PKN3: variants seen among roughly 807,000 people sequenced by gnomAD.
The protein encoded by PKN3 is serine/threonine-protein kinase N3.
A neutral mutation model predicts 113.1 loss-of-function variants in PKN3; 91 were observed. The observed-to-expected ratio is 0.80, with a 90% CI of 0.68 to 0.96. PKN3 has a LOEUF of 0.96. Among genes scored for constraint, PKN3 ranks in the 40% least tolerant of loss-of-function variants. The probability of loss-of-function intolerance (pLI) is 0.00; values close to 1 mark genes in which losing one functional copy is unlikely to be tolerated. For missense variants in PKN3, 1,052 were observed against 1,202.2 expected (o/e 0.88, Z 1.85); for synonymous variants, 467 against 499.0 (o/e 0.94, Z 0.85).
At chr9:128,704,495 G>A (rs1861950004) in intron 1 of PKN3, among the ~76,000 whole-genome samples, 1 of 152,198 alleles carries the variant, frequency 6.6e-6, no homozygotes, top group African/African-American at 2.4e-5. Flanking sequence ...GGTCCCAGAT[G>A]TAGAGAGAGC....
chr9:128,714,511 C>A, intron 11 of PKN3, 51 bp from the exon 12 acceptor site: 1 of 973,874 alleles, frequency 1.0e-6, no homozygotes, highest in South Asian at 1.3e-5. Context: ...TCCATCCTGC[C>A]AGCTCTTGCG....
chr9:128,707,927 C>A (rs912767013), intron 6 of PKN3, among the ~76,000 whole-genome samples: 1 of 151,034 alleles, frequency 6.6e-6, no homozygotes. Flanking sequence ...CAAAAATTAG[C>A]CGGGCGTGGT....
rs762279700 is a variant in PKN3, at chr9:128,719,772, C to T, written c.2212C>T (p.Arg738Trp). 2.7e-5 allele frequency: 43 copies of T among 1,587,062 alleles called. No individual in the cohort carries two copies. Among genetic ancestry groups the T allele is most frequent in the Admixed American group, 6.8e-5 (4 of 58,648 alleles). ...PEVLTQEAYT[R>W]AVDWWGLGVL... is the part of the protein sequence containing the mutation. ...GGTGCTGACCCAGGAGGCATACACA[C>T]GGGCTGTGGACTGGTGGGGGCTGGG... is the stretch of plus-strand genomic sequence containing the variant. The change falls in exon 19 of 22, where the codon CGG (arginine) becomes TGG (tryptophan). Residue 738 changes from arginine (R) to tryptophan (W), a missense_variant. This residue lies in a region of PKN3 where 333 missense variants were observed against 442.8 expected (regional missense o/e 0.75). Coordinates refer to ENST00000291906, the MANE Select transcript of PKN3 (RefSeq NM_013355.5).
In PKN3 at chr9:128,719,677, G is replaced by A. The variant is rs762270291; in HGVS notation, c.2126-9G>A. ...CCAAGCAGCTATTGGTGTGCCTGTTGGTTTGCAGGGATCGGCTTCGGGGAC... is the reference window on the plus strand; with the variant it reads ...CCAAGCAGCTATTGGTGTGCCTGTTAGTTTGCAGGGATCGGCTTCGGGGAC... On this transcript the variant is annotated splice_polypyrimidine_tract_variant and intron_variant, in intron 18 of 21. Coordinates refer to ENST00000291906, the MANE Select transcript of PKN3 (RefSeq NM_013355.5). 1.3e-6 allele frequency: 2 copies of A among 1,539,592 alleles called. No homozygotes were observed. The highest frequency in any genetic ancestry group is 4.1e-5 in the Admixed American group (2 of 49,378).
intron 6 of PKN3, among the ~76,000 whole-genome samples, chr9:128,712,046 A>G (rs1469463237): frequency 6.6e-6 from 1 of 152,038 alleles, no homozygotes; most frequent in Non-Finnish European, 1.5e-5. Context: ...AGTAGCTGGG[A>G]TTACAGGTGC....
In PKN3 at chr9:128,717,031, A is replaced by C. The variant is rs145813466; in HGVS notation, c.1985+108A>C. 1,198 of 789,342 alleles carry C rather than the reference A, an allele frequency of 1.5e-3. 5 individuals carry two copies. Among genetic ancestry groups the C allele is most frequent in the African/African-American group, 0.01 (583 of 56,850 alleles). The allele number at this position is 789,342 out of a possible 1,614,324, so 48.9% of individuals were successfully genotyped here. A position where few individuals can be genotyped will look rare whatever the true frequency, so the allele number is the denominator to read the frequency against. On this transcript the variant is annotated intron_variant, in intron 16 of 21. Transcript: ENST00000291906. Reference sequence around the variant, plus strand: ...AAGTGCCCAACAGCAGGGGAGCAGGAGTCAGAGGCCTTGGTTTACATCCTG... The same window carrying C: ...AAGTGCCCAACAGCAGGGGAGCAGGCGTCAGAGGCCTTGGTTTACATCCTG...
In PKN3 at chr9:128,705,321, C is replaced by A. The variant is rs771840775; in HGVS notation, c.43C>A (p.Pro15Thr). 3.8e-6 allele frequency: 6 copies of A among 1,558,884 alleles called. No individual in the cohort carries two copies. The Admixed American group carries it at 5.9e-5, about 15-fold the overall frequency. Residue 15 changes from proline to threonine, a missense_variant, in exon 2 of 22, where the codon CCC becomes ACC. Pro to Thr is a conservative substitution (Grantham distance 38). Around this residue, in one of 2 missense-constraint regions of PKN3, gnomAD observed 719 missense variants for 759.4 expected, o/e 0.95. Transcript: ENST00000291906. ...APRQPGPSQWPPEDEKEVIRR... is the reference protein window; with the variant it reads ...APRQPGPSQWTPEDEKEVIRR... ...TCTGCAGCCTGGGCCGAGCCAGTGGCCCCCAGAGGATGAGAAGGAGGTGAT... is the reference window on the plus strand; with the variant it reads ...TCTGCAGCCTGGGCCGAGCCAGTGGACCCCAGAGGATGAGAAGGAGGTGAT...
chr9:128,718,488 C>T (rs1453211898), intron 17 of PKN3, 61 bp from the exon 18 acceptor site: 14 of 1,593,764 alleles, frequency 8.8e-6, no homozygotes, highest in African/African-American at 2.7e-5. Flanking sequence ...CTCCAGGGGC[C>T]GTTACTGTTC....
intron 16 of PKN3, among the ~76,000 whole-genome samples, chr9:128,717,271 G>A (rs558032443): frequency 6.9e-4 from 104 of 150,538 alleles, no homozygotes; most frequent in Middle Eastern, 6.8e-3. Context: ...TGGGATTACA[G>A]GCATGCACCA....
At chr9:128,719,651 A>G in intron 18 of PKN3, 35 bp from the exon 19 acceptor site, 1 of 1,523,562 alleles carries the variant, frequency 6.6e-7, no homozygotes, top group South Asian at 1.3e-5. Context: ...AATAGGCCAC[A>G]CCAAGCAGCT....
At position 128,720,095 on chromosome 9, in the gene PKN3, C is replaced by A; in HGVS notation, c.2376+78C>A. 3.9e-6 allele frequency: 6 copies of A among 1,529,500 alleles called. No homozygotes were observed. Among genetic ancestry groups the A allele is most frequent in the Middle Eastern group, 1.7e-4 (1 of 5,908 alleles). 94.7% of individuals were successfully genotyped at this position (1,529,500 alleles called of 1,614,324 possible). ...GCCCTCTGCCGTGGGACAGCAGACC[C>A]CCTGCCACCCATCCTTAGAGCGCTC... On this transcript the variant is annotated intron_variant, in intron 20 of 21. Coordinates refer to ENST00000291906, the MANE Select transcript of PKN3 (RefSeq NM_013355.5). This position sits in a 1 kb window ranked among gnomAD's most constrained non-coding sequence, Gnocchi z 5.5.
chr9:128,705,765 A>G lies in PKN3; in HGVS notation c.297A>G (p.Ala99=), dbSNP rs547057953. Residue 99 remains alanine, a synonymous_variant, in exon 3 of 22, where the codon GCA becomes GCG. Transcript: ENST00000291906. ...EPVASGPRPW[A]EQLRARHLEA... ...TGGCCTCAGGACCCCGGCCGTGGGC[A>G]GAGCAGCTCAGGGCTCGGCACCTAG... 6.8e-6 allele frequency: 11 copies of G among 1,608,266 alleles called. No individual in the cohort carries two copies. The African/African-American group carries it at 1.1e-4, about 16-fold the overall frequency.
At chr9:128,718,260 G>A (rs1272301315) in intron 16 of PKN3, 65 bp from the exon 17 acceptor site, 1 of 1,306,262 alleles carries the variant, frequency 7.7e-7, no homozygotes, top group Non-Finnish European at 1.1e-6. Flanking sequence ...CCATCCTGGT[G>A]CCTCCCTGCC....
intron 6 of PKN3, among the ~76,000 whole-genome samples, chr9:128,712,216 T>G (rs183850332): frequency 6.6e-6 from 1 of 152,238 alleles, no homozygotes; most frequent in African/African-American, 2.4e-5. Flanking sequence ...GGCCGAGCTG[T>G]TCTTTCTAAG....
chr9:128,703,381 G>A, intron 1 of PKN3: 7 of 985,442 alleles, frequency 7.1e-6, no homozygotes, highest in Non-Finnish European at 8.4e-6. Flanking sequence ...CTTGGCAGTG[G>A]CAGGAGTCCT....
chr9:128,713,676 A>G, intron 9 of PKN3, 34 bp downstream of exon 9: 1 of 1,607,948 alleles, frequency 6.2e-7, no homozygotes, highest in Non-Finnish European at 8.5e-7. Context: ...ACTTGGTGGG[A>G]CCCTGGGGCG....
At position 128,713,568 on chromosome 9, in the gene PKN3, C is replaced by T. The variant is rs1167358788; in HGVS notation, c.1162C>T (p.Leu388Phe). 2.5e-6 allele frequency: 4 copies of T among 1,613,764 alleles called. No homozygotes were observed. The African/African-American group carries it at 4.0e-5, about 16-fold the overall frequency. Residue 388 changes from leucine (L) to phenylalanine (F), a missense_variant, in exon 9 of 22, where the codon CTT (leucine) becomes TTT (phenylalanine). Physicochemically the swap from Leu to Phe is conservative, Grantham distance 22 (BLOSUM62 0). Coordinates refer to ENST00000291906, the MANE Select transcript of PKN3 (RefSeq NM_013355.5). ...GCTATGTGGCGTGGCCTTCCTGAGA[C>T]TTGAGGACTTCCTGGACAATGCCTG... ...RQLCGVAFLR[L>F]EDFLDNACHQ...
In PKN3 at chr9:128,713,493, A is replaced by C. The variant is rs529984927; in HGVS notation, c.1093-6A>C. On this transcript the variant is annotated splice_region_variant and splice_polypyrimidine_tract_variant and intron_variant, in intron 8 of 21. Coordinates refer to ENST00000291906, the MANE Select transcript of PKN3 (RefSeq NM_013355.5). The stretch of plus-strand genomic sequence containing the variant: ...CCCACCCTTCAGCCTGGCCTCCCCA[A>C]TACAGGCCCGTGAGCTGGAGATTGG... 3 of 1,613,994 alleles carry C rather than the reference A, an allele frequency of 1.9e-6. No homozygotes were observed. The highest frequency in any genetic ancestry group is 2.5e-6 in the Non-Finnish European group (3 of 1,179,974).
chr9:128,705,482 T>A lies in PKN3; in HGVS notation c.204T>A (p.His68Gln). 6 of 1,564,588 alleles carry A rather than the reference T, an allele frequency of 3.8e-6. No individual in the cohort carries two copies. The highest frequency in any genetic ancestry group is 5.2e-6 in the Non-Finnish European group (6 of 1,155,496). Residue 68 changes from histidine to glutamine, a missense_variant, in exon 2 of 22, where the codon CAT becomes CAA. Coordinates refer to ENST00000291906, the MANE Select transcript of PKN3 (RefSeq NM_013355.5). ...RSSNRRLEQL[H>Q]GELRELHARI... ...CCAACCGCCGCCTGGAGCAGCTGCA[T>A]GGCGAGCTGCGGGAGCTGCACGCCC... is the stretch of plus-strand genomic sequence containing the variant.
Sources: gnomAD v4.1 joint callset for allele counts (sites outside exome capture counted in the v4.1 genomes callset) on GRCh38, gnomAD v4.1.1 for gene constraint, gnomAD v4.1.1 regional missense constraint, Gnocchi (gnomAD v3.1) non-coding constraint, MANE v1.5 for transcripts, NCBI Gene and HGNC (gene_info 2026-07-23, HGNC 2026-07-21) for gene names.